SLC10A6: variants seen among roughly 807,000 people sequenced by gnomAD.
The protein encoded by SLC10A6 is sodium-dependent organic anion transporter.
A neutral mutation model predicts 30.0 loss-of-function variants in SLC10A6; 27 were observed. The observed-to-expected ratio is 0.90, with a 90% confidence interval of 0.66 to 1.24. The LOEUF is 1.24. Among genes scored for constraint, SLC10A6 ranks in the 50% most tolerant of loss-of-function variants. The pLI, the probability that SLC10A6 is intolerant of heterozygous loss-of-function variation, is 0.00. For missense variants in SLC10A6, 439 were observed against 457.0 expected (o/e 0.96, Z 0.36); for synonymous variants, 166 against 173.8 (o/e 0.95, Z 0.36).
intron 1 of SLC10A6, among the ~76,000 whole-genome samples, chr4:86,837,293 GGAAGGA>G (rs1746212570): frequency 1.3e-5 from 1 of 75,006 alleles, no homozygotes; most frequent in South Asian, 4.2e-4. Context: ...GAAAAAGAAA[GGAAGGA>G]AGGAAGGAAG....
At chr4:86,824,681 A>T (rs1399743016) in intron 5 of SLC10A6, among the ~76,000 whole-genome samples, 6 of 152,034 alleles carry the variant, frequency 3.9e-5, no homozygotes, top group Admixed American at 3.9e-4. Context: ...TCACGCAGGT[A>T]GTGAGCACAG....
intron 1 of SLC10A6, among the ~76,000 whole-genome samples, chr4:86,838,683 G>C (rs568571156): frequency 3.1e-4 from 47 of 152,226 alleles, no homozygotes; most frequent in Admixed American, 4.6e-4. Flanking sequence ...AGCACTTTGG[G>C]AGGCCAAGGC....
At chr4:86,832,382 A>G (rs1386926313) in intron 2 of SLC10A6, among the ~76,000 whole-genome samples, 1 of 152,054 alleles carries the variant, frequency 6.6e-6, no homozygotes, top group Non-Finnish European at 1.5e-5. Context: ...AGGTGGGTGG[A>G]CTGCCTGAGC....
At chr4:86,838,341 G>C (rs1746233492) in intron 1 of SLC10A6, among the ~76,000 whole-genome samples, 1 of 152,164 alleles carries the variant, frequency 6.6e-6, no homozygotes, top group South Asian at 2.1e-4. Flanking sequence ...AGAGTGAGTG[G>C]CATGACAGCC....
rs920726074 is a variant in SLC10A6 at position 86,833,083 on chromosome 4, G to A, written c.496+223C>T. On this transcript the variant is annotated intron_variant, in intron 2 of 5. Coordinates refer to ENST00000273905, the MANE Select transcript of SLC10A6 (RefSeq NM_197965.3). ...ATTCCCGGGTTAGAACTCCAGTTCC[G>A]TACTTACCAGCTGCATAATCTTGAT... Among the ~76,000 whole-genome samples, 9 of 151,888 alleles carry A rather than the reference G, an allele frequency of 5.9e-5. 1 individual carries two copies. Among genetic ancestry groups the A allele is most frequent in the Admixed American group, 4.6e-4 (7 of 15,230 alleles).
intron 1 of SLC10A6, among the ~76,000 whole-genome samples, chr4:86,835,227 A>AC (rs958733842): frequency 6.6e-6 from 1 of 152,292 alleles, no homozygotes; most frequent in Admixed American, 6.5e-5. Context: ...TAGGGCAGTG[A>AC]CCCCCACAGT....
intron 1 of SLC10A6, among the ~76,000 whole-genome samples, chr4:86,838,859 G>A (rs1003638738): frequency 2.1e-5 from 3 of 146,084 alleles, no homozygotes; most frequent in African/African-American, 7.5e-5. Flanking sequence ...GGAGATGGAG[G>A]TTGCAGTGAG....
At chr4:86,824,395 T>C (rs1745941310) in intron 5 of SLC10A6, among the ~76,000 whole-genome samples, 1 of 152,184 alleles carries the variant, frequency 6.6e-6, no homozygotes, top group Non-Finnish European at 1.5e-5. Flanking sequence ...CCCCAGGTAT[T>C]CCTGATATTG....
chr4:86,832,198 G>C (rs1030943644), intron 2 of SLC10A6, among the ~76,000 whole-genome samples: 9 of 152,146 alleles, frequency 5.9e-5, no homozygotes, highest in Non-Finnish European at 1.2e-4. Context: ...GATTCAGTGG[G>C]CTCCCGCTAT....
At chr4:86,837,287 A>G (rs866738180) in intron 1 of SLC10A6, among the ~76,000 whole-genome samples, 2,552 of 71,388 alleles carry the variant, frequency 0.036, 152 homozygotes, top group Non-Finnish European at 0.043. Flanking sequence ...AAGAAAGAAA[A>G]AGAAAGGAAG....
intron 1 of SLC10A6, among the ~76,000 whole-genome samples, chr4:86,836,422 G>T (rs1746186174): frequency 6.6e-6 from 1 of 152,112 alleles, no homozygotes; most frequent in Non-Finnish European, 1.5e-5. Context: ...CTTTCTGGGA[G>T]GTGTTTAGGT....
chr4:86,839,903 A>ATTTTTT (rs33927377), intron 1 of SLC10A6, among the ~76,000 whole-genome samples: 3 of 142,238 alleles, frequency 2.1e-5, no homozygotes. Context: ...TTACACTCTT[A>ATTTTTT]TTTTTTTTTT....
chr4:86,838,264 C>T (rs1746232204), intron 1 of SLC10A6, among the ~76,000 whole-genome samples: 1 of 152,170 alleles, frequency 6.6e-6, no homozygotes, highest in Non-Finnish European at 1.5e-5. Context: ...GTTTTATTGA[C>T]ATTGGCTCAT....
rs1746230784 is a variant in SLC10A6, at chr4:86,838,150, C to G, written c.378-4726G>C. On this transcript the variant is annotated intron_variant, in intron 1 of 5. Coordinates refer to ENST00000273905, the MANE Select transcript of SLC10A6 (RefSeq NM_197965.3). The stretch of plus-strand genomic sequence containing the variant: ...TAAAAAGATTCCCTCTGTGCTCTCA[C>G]TCATTGCTGGTAAAAATGGTACACC... 2.0e-5 allele frequency among the ~76,000 whole-genome samples: 3 copies of G among 152,218 alleles called. No homozygotes were observed. In the South Asian group the frequency reaches 6.2e-4, roughly 32 times the overall value.
At chr4:86,848,639 C>T in intron 1 of SLC10A6, 100 bp downstream of exon 1, 7 of 1,396,970 alleles carry the variant, frequency 5.0e-6, no homozygotes, top group Non-Finnish European at 6.8e-6. Context: ...CCACTAGAAT[C>T]TCTACCAAAA....
chr4:86,846,951 G>A (rs2149414448), intron 1 of SLC10A6, among the ~76,000 whole-genome samples: 1 of 152,300 alleles, frequency 6.6e-6, no homozygotes, highest in African/African-American at 2.4e-5. Flanking sequence ...CTGTTCATTG[G>A]TGTTTTTATG....
intron 1 of SLC10A6, chr4:86,837,698 A>T (rs777545724): frequency 1.3e-4 from 107 of 832,474 alleles, no homozygotes; most frequent in Non-Finnish European, 1.5e-4. Flanking sequence ...TGCATTAGTA[A>T]AATTAGGGGA....
rs1210132890 is a variant in SLC10A6, at chr4:86,823,880, TCTC to T, written c.939_941del (p.Arg314del). ...TCTTTTTTCCATGTTTGTTCTTCAATCTCCTCTTGTACGTCTGATATGCTAGGT... is the reference window on the plus strand; with the variant it reads ...TCTTTTTTCCATGTTTGTTCTTCAATCTCTTGTACGTCTGATATGCTAGGT... On this transcript the variant is annotated inframe_deletion, in exon 6 of 6. Transcript: ENST00000273905. 1.2e-6 allele frequency: 2 copies of T among 1,612,640 alleles called. No homozygotes were observed. Among genetic ancestry groups the T allele is most frequent in the Non-Finnish European group, 1.7e-6 (2 of 1,179,354 alleles).
Position 86,829,905 on chromosome 4 carries a change from T to C in SLC10A6, c.586-1737A>G, listed in dbSNP as rs2149410907. Among the ~76,000 whole-genome samples the C allele has an allele frequency of 1.3e-5, 2 of 152,354 alleles. 1 individual carries two copies. Among genetic ancestry groups the C allele is most frequent in the South Asian group, 4.1e-4 (2 of 4,830 alleles). On this transcript the variant is annotated intron_variant, in intron 3 of 5. Coordinates refer to ENST00000273905, the MANE Select transcript of SLC10A6 (RefSeq NM_197965.3). ...TATCTGGTTTCTCCATTGACACTGA[T>C]GGACTGATAGAGGAGCTGGAAAACT...
Sources: allele counts gnomAD v4.1 joint callset (sites outside exome capture counted in the v4.1 genomes callset), GRCh38; gene constraint gnomAD v4.1.1; transcripts MANE v1.5; gene names NCBI Gene and HGNC (gene_info 2026-07-23, HGNC 2026-07-21).